The following AFDN variants were observed in gnomAD, a reference collection of about 807,000 sequenced individuals.
AFDN encodes the protein afadin, adherens junction formation factor, also known as afadin.
A neutral mutation model predicts 216.6 loss-of-function variants in AFDN; 68 were observed. That is an observed-to-expected ratio of 0.31 (90% CI 0.26 to 0.38). The LOEUF (loss-of-function observed/expected upper bound fraction) is 0.38. Ranked by LOEUF, AFDN falls within the 10% of genes least tolerant of loss-of-function variation. The pLI is 1.00. For synonymous variants in AFDN, 868 were observed against 853.7 expected, an observed-to-expected ratio of 1.02 and a Z score of -0.29; for missense variants, 2,136 against 2,342.0, an observed-to-expected ratio of 0.91 and a Z score of 1.82.
intron 13 of AFDN, among the ~76,000 whole-genome samples, chr6:167,908,855 C>G (rs916721738): frequency 6.6e-6 from 1 of 152,128 alleles, no homozygotes; most frequent in African/African-American, 2.4e-5. Context: ...TTGTTTTTCA[C>G]ATGGGCAGTG....
chr6:167,866,948 T>C (rs1784256570), intron 2 of AFDN, among the ~76,000 whole-genome samples: 1 of 152,336 alleles, frequency 6.6e-6, no homozygotes, highest in South Asian at 2.1e-4. Context: ...CCAGGGAAGC[T>C]CTGCATCTAT....
intron 30 of AFDN, among the ~76,000 whole-genome samples, chr6:167,956,838 T>TC (rs1022144495): frequency 2.0e-5 from 3 of 152,076 alleles, no homozygotes; most frequent in Non-Finnish European, 2.9e-5. Context: ...AGAGCCTCTC[T>TC]CCTTTTCCTG....
chr6:167,862,301 C>G (rs1783673235), intron 1 of AFDN, among the ~76,000 whole-genome samples: 1 of 151,974 alleles, frequency 6.6e-6, no homozygotes, highest in Non-Finnish European at 1.5e-5. Flanking sequence ...TGAGCGTGGC[C>G]TGTCATTAAT....
At chr6:167,914,775 T>C (rs1296141639) in intron 18 of AFDN, 37 bp downstream of exon 18, 12 of 1,395,016 alleles carry the variant, frequency 8.6e-6, no homozygotes, top group Admixed American at 1.7e-5. Flanking sequence ...TCTATCCCGC[T>C]TCCTTCACGT....
At chr6:167,892,581 G>A (rs1168816828) in intron 8 of AFDN, among the ~76,000 whole-genome samples, 1 of 152,116 alleles carries the variant, frequency 6.6e-6, no homozygotes, top group Non-Finnish European at 1.5e-5. Context: ...GATGAGTAAT[G>A]GACAGTTTAT....
At position 167,969,993 on chromosome 6, in the gene AFDN, T is replaced by C; in HGVS notation, c.*58T>C. On this transcript the variant is annotated 3_prime_UTR_variant, in exon 34 of 34. Coordinates refer to ENST00000683244, the MANE Select transcript of AFDN (RefSeq NM_001386888.1). The stretch of plus-strand genomic sequence containing the variant: ...CAAAATCTTTTCAGTTGTGGGTTTG[T>C]AGGTGCGAGTTTGAAGAGGAAAAGA... 7.0e-7 allele frequency: 1 copy of C among 1,433,770 alleles called. No individual in the cohort carries two copies. The highest frequency in any genetic ancestry group is 2.4e-5 in the Admixed American group (1 of 40,878). 88.8% of individuals were successfully genotyped at this position (1,433,770 alleles called of 1,614,324 possible).
chr6:167,876,934 G>A (rs1387043991), intron 5 of AFDN, among the ~76,000 whole-genome samples: 2 of 152,142 alleles, frequency 1.3e-5, no homozygotes, highest in Non-Finnish European at 2.9e-5. Context: ...GGTTTAGAAG[G>A]CTTTCATTGT....
chr6:167,827,175 G>A lies in AFDN; in HGVS notation c.43G>A (p.Asp15Asn), dbSNP rs1225525416. The change falls in exon 1 of 34, where the codon GAC (aspartate) becomes AAC (asparagine). Residue 15 changes from aspartate to asparagine, a missense_variant. Transcript: ENST00000683244. Reference sequence around the variant, plus strand: ...TGACGAGGAGCGGCGGAAGCTGGCCGACATCATCCACCACTGGAACGCCAA... The same window carrying A: ...TGACGAGGAGCGGCGGAAGCTGGCCAACATCATCCACCACTGGAACGCCAA... ...GRDEERRKLA[D>N]IIHHWNANRL... 2.3e-6 allele frequency: 3 copies of A among 1,305,872 alleles called. No individual in the cohort carries two copies. The highest frequency in any genetic ancestry group is 1.3e-5 in the South Asian group (1 of 76,974). 80.9% of individuals were successfully genotyped at this position (1,305,872 alleles called of 1,614,324 possible). A position where few individuals can be genotyped will look rare whatever the true frequency, so the allele number is the denominator to read the frequency against.
intron 23 of AFDN, among the ~76,000 whole-genome samples, chr6:167,934,597 A>T (rs1793747497): frequency 6.6e-6 from 1 of 152,150 alleles, no homozygotes; most frequent in South Asian, 2.1e-4. Flanking sequence ...TCAGCCACTT[A>T]TTGTTCTAAA....
chr6:167,881,873 T>C (rs1324937741), intron 6 of AFDN, among the ~76,000 whole-genome samples: 1 of 152,198 alleles, frequency 6.6e-6, no homozygotes, highest in African/African-American at 2.4e-5. Flanking sequence ...GAAAGATCTG[T>C]ATAAAAATGG....
At position 167,827,247 on chromosome 6, in the gene AFDN, G is replaced by A; in HGVS notation, c.105+10G>A. On this transcript the variant is annotated intron_variant, in intron 1 of 33. Coordinates refer to ENST00000683244, the MANE Select transcript of AFDN (RefSeq NM_001386888.1). ...CAGCCAGCCGACCGAGGTGAGCACC[G>A]CCGGGCGCGGGGCCTGCGCGACCCC... The A allele has an allele frequency of 5.3e-6, 6 of 1,126,708 alleles. No individual in the cohort carries two copies. Among genetic ancestry groups the A allele is most frequent in the Non-Finnish European group, 5.6e-6 (5 of 894,478 alleles). 69.8% of individuals were successfully genotyped at this position (1,126,708 alleles called of 1,614,324 possible). A position where few individuals can be genotyped will look rare whatever the true frequency, so the allele number is the denominator to read the frequency against.
At chr6:167,948,537 C>T in intron 29 of AFDN, 59 bp downstream of exon 29, 1 of 1,467,502 alleles carries the variant, frequency 6.8e-7, no homozygotes, top group Non-Finnish European at 9.4e-7. Flanking sequence ...ACACTGAGTT[C>T]TGAGACACAA....
intron 11 of AFDN, among the ~76,000 whole-genome samples, chr6:167,901,564 A>G (rs1219776600): frequency 6.6e-6 from 1 of 152,128 alleles, no homozygotes; most frequent in Admixed American, 6.6e-5. Context: ...CCACTTTTTA[A>G]TTTGTAGCCT....
At chr6:167,898,085 A>G in intron 10 of AFDN, 120 bp from the exon 11 acceptor site, 1 of 1,137,610 alleles carries the variant, frequency 8.8e-7, no homozygotes, top group Non-Finnish European at 1.2e-6. Context: ...AAAGGCACTA[A>G]AAATCCAGAG....
intron 4 of AFDN, among the ~76,000 whole-genome samples, chr6:167,875,006 T>A (rs1785192402): frequency 6.6e-6 from 1 of 152,224 alleles, no homozygotes; most frequent in Non-Finnish European, 1.5e-5. Context: ...TGGTAAAATA[T>A]TGGTCTGTTT....
Position 167,898,535 on chromosome 6 carries a change from A to G in AFDN, c.1580+68A>G, listed in dbSNP as rs1053655488. Reference sequence around the variant, plus strand: ...TTAAAGTAGTTCAGATTATTCATAGATATCTTGGCTTTTTATTTTTGTTTC... The same window carrying G: ...TTAAAGTAGTTCAGATTATTCATAGGTATCTTGGCTTTTTATTTTTGTTTC... On this transcript the variant is annotated intron_variant, in intron 11 of 33. Coordinates refer to ENST00000683244, the MANE Select transcript of AFDN (RefSeq NM_001386888.1). The G allele has an allele frequency of 4.9e-6, 7 of 1,423,482 alleles. 1 individual carries two copies. In the East Asian group the frequency reaches 7.4e-5, roughly 15 times the overall value. The allele number at this position is 1,423,482 out of a possible 1,614,324, so 88.2% of individuals were successfully genotyped here.
In AFDN at chr6:167,951,569, G is replaced by C; in HGVS notation, c.4215G>C (p.Gly1405=). The C allele has an allele frequency of 6.2e-7, 1 of 1,614,004 alleles. No individual in the cohort carries two copies. The highest frequency in any genetic ancestry group is 8.5e-7 in the Non-Finnish European group (1 of 1,179,986). ...LPPPPSANQI[G]LPSAQVAAAE... The stretch of plus-strand genomic sequence containing the variant: ...CACCCCCTTCCGCCAACCAGATAGG[G>C]CTGCCGTCTGCGCAGGTGGCTGCTG... Residue 1405 remains glycine, a synonymous_variant, in exon 30 of 34, where the codon GGG becomes GGC. Coordinates refer to ENST00000683244, the MANE Select transcript of AFDN (RefSeq NM_001386888.1). This position sits in a 1 kb window ranked among gnomAD's most constrained non-coding sequence, Gnocchi z 7.1.
rs1583392170 is a variant in AFDN at position 167,915,016 on chromosome 6, T to G, written c.2300-152T>G. The G allele has an allele frequency of 3.2e-5, 26 of 801,140 alleles. No individual in the cohort carries two copies. The East Asian group carries it at 6.6e-4, about 20-fold the overall frequency. 49.6% of individuals were successfully genotyped at this position (801,140 alleles called of 1,614,324 possible). A position where few individuals can be genotyped will look rare whatever the true frequency, so the allele number is the denominator to read the frequency against. ...TAACTATATGTAGTTTAAGATCATG[T>G]CACTGTTTCCTCTTGGAATGAAGTT... On this transcript the variant is annotated intron_variant, in intron 18 of 33. Transcript: ENST00000683244.
intron 30 of AFDN, chr6:167,952,492 A>G (rs150670234): frequency 3.0e-6 from 3 of 985,472 alleles, no homozygotes; most frequent in East Asian, 2.3e-4. Context: ...GAAAACAAGT[A>G]TTTGTTAATG....
Sources: gnomAD v4.1 joint callset for allele counts (sites outside exome capture counted in the v4.1 genomes callset) on GRCh38, gnomAD v4.1.1 for gene constraint, Gnocchi (gnomAD v3.1) non-coding constraint, MANE v1.5 for transcripts, NCBI Gene and HGNC (gene_info 2026-07-23, HGNC 2026-07-21) for gene names.